The following ABLIM1 variants were observed in gnomAD, a reference collection of about 807,000 sequenced individuals.
ABLIM1 encodes actin binding LIM protein 1, also known as actin-binding LIM protein 1.
Under a neutral mutation model 107.0 loss-of-function variants are expected in ABLIM1, and 40 were observed. The observed-to-expected ratio is 0.37, with a 90% confidence interval of 0.29 to 0.49. The LOEUF is 0.49. Ranked by LOEUF, ABLIM1 falls within the 20% of genes least tolerant of loss-of-function variation. ABLIM1 has a pLI of 0.97. For missense variants in ABLIM1, 857 were observed against 1,008.5 expected, an observed-to-expected ratio of 0.85 and a Z score of 2.04; for synonymous variants, 357 against 357.3, an observed-to-expected ratio of 1.00 and a Z score of 0.01.
chr10:114,634,880 T>C (rs1025600809), intron 1 of ABLIM1, among the ~76,000 whole-genome samples: 1 of 152,254 alleles, frequency 6.6e-6, no homozygotes, highest in Non-Finnish European at 1.5e-5. Flanking sequence ...TTTTGGAATG[T>C]GGGAGAGTAA....
intron 17 of ABLIM1, 88 bp from the exon 18 acceptor site, chr10:114,441,874 G>T (rs1271906585): frequency 1.7e-6 from 2 of 1,193,210 alleles, no homozygotes; most frequent in South Asian, 1.3e-5. Flanking sequence ...CTACCTCACA[G>T]GATAGAAATA....
At chr10:114,685,216 G>C (rs1045701470), upstream of ABLIM1, among the ~76,000 whole-genome samples, 15 of 152,144 alleles carry the variant, frequency 9.9e-5, no homozygotes, top group South Asian at 2.1e-4. Context: ...AAGTTATGAA[G>C]ACAGTTTAAA....
chr10:114,792,851 A>G, the ABLIM1 span, among the ~76,000 whole-genome samples: 1 of 152,180 alleles, frequency 6.6e-6, no homozygotes, highest in Non-Finnish European at 1.5e-5. Context: ...CCCAAATCTC[A>G]TGTTGAAATG....
chr10:114,688,156 T>C (rs960506853), upstream of ABLIM1, among the ~76,000 whole-genome samples: 8 of 152,214 alleles, frequency 5.3e-5, no homozygotes, highest in Admixed American at 1.3e-4. Context: ...GAAATGGTCC[T>C]TATAGCACAC....
Position 114,494,509 on chromosome 10 carries a change from T to C in ABLIM1, c.895-2631A>G, listed in dbSNP as rs554198204. Among the ~76,000 whole-genome samples, 34 of 152,266 alleles carry C rather than the reference T, an allele frequency of 2.2e-4. 2 individuals carry two copies. In the South Asian group the frequency reaches 6.8e-3, roughly 31 times the overall value. The stretch of plus-strand genomic sequence containing the variant: ...GAGATCATGCCACTGCACTCCAGCC[T>C]GGGTGACAGAGCAAGAGTCCATCTC... On this transcript the variant is annotated intron_variant, in intron 6 of 22. Transcript: ENST00000533213.
intron 1 of ABLIM1, among the ~76,000 whole-genome samples, chr10:114,648,926 G>A (rs986744686): frequency 1.1e-4 from 16 of 151,140 alleles, no homozygotes; most frequent in South Asian, 2.1e-4. Context: ...AGTTTCACCC[G>A]AGCTGAATCT....
chr10:114,739,631 G>T (rs538882852), intron 1 of ABLIM1, among the ~76,000 whole-genome samples: 1 of 151,924 alleles, frequency 6.6e-6, no homozygotes, highest in South Asian at 2.1e-4. Flanking sequence ...TATATGCATT[G>T]CTTTTATCAT....
At chr10:114,625,406 A>T (rs1461858641) in intron 1 of ABLIM1, among the ~76,000 whole-genome samples, 3 of 152,162 alleles carry the variant, frequency 2.0e-5, no homozygotes, top group Non-Finnish European at 4.4e-5. Context: ...GGGAAGACAG[A>T]CAGCATTAGA....
intron 1 of ABLIM1, among the ~76,000 whole-genome samples, chr10:114,623,689 C>T (rs571006350): frequency 6.6e-6 from 1 of 152,334 alleles, no homozygotes; most frequent in Non-Finnish European, 1.5e-5. Flanking sequence ...CCCAGACCTA[C>T]TGAATCAGAA....
intron 10 of ABLIM1, among the ~76,000 whole-genome samples, chr10:114,470,847 C>CTTTTTTTT (rs10692424): frequency 6.6e-6 from 1 of 151,450 alleles, no homozygotes; most frequent in African/African-American, 2.4e-5. Flanking sequence ...TCTGGTTTTT[C>CTTTTTTTT]TTTTTTTCTT....
At chr10:114,712,353 G>GAAAAAAAAAAA (rs10583793) in intron 1 of ABLIM1, among the ~76,000 whole-genome samples, 2 of 44,096 alleles carry the variant, frequency 4.5e-5, no homozygotes, top group Non-Finnish European at 4.0e-5. Context: ...ACTCCGTCTC[G>GAAAAAAAAAAA]AAAAAAAAAA....
Position 114,755,924 on chromosome 10 carries a change from T to G in ABLIM1, c.-213+12137A>C, listed in dbSNP as rs563207914. 4.2e-4 allele frequency among the ~76,000 whole-genome samples: 64 copies of G among 152,344 alleles called. No individual in the cohort carries two copies. The South Asian group carries it at 0.013, about 31-fold the overall frequency. ...CATGACTTTCAGGCTTTGTATCCTG[T>G]TTAGAAGGTCGAGACACTCTCAGTT... On this transcript the variant is annotated intron_variant, in intron 1 of 15. Transcript: ENST00000651092.
chr10:114,674,353 C>T (rs1018595037), intron 1 of ABLIM1, among the ~76,000 whole-genome samples: 1 of 151,416 alleles, frequency 6.6e-6, no homozygotes, highest in Non-Finnish European at 1.5e-5. Flanking sequence ...CACCTTTGGT[C>T]TCAATTCCTA....
In ABLIM1 at chr10:114,718,001, A is replaced by C. The variant is rs553078232; in HGVS notation, c.-213+50060T>G. On this transcript the variant is annotated intron_variant, in intron 1 of 15. Coordinates refer to the ABLIM1 transcript ENST00000651092. ...GAGAAAGAAAGAAAGAAAGGAAGGA[A>C]GGAAGGAAGGAAGGAAGGAAGGAAG... is the stretch of plus-strand genomic sequence containing the variant. 7.4e-3 allele frequency among the ~76,000 whole-genome samples: 940 copies of C among 127,832 alleles called. 10 individuals are homozygous for C. The highest frequency in any genetic ancestry group is 0.028 in the African/African-American group (908 of 32,854). 83.9% of individuals were successfully genotyped at this position (127,832 alleles called of 152,430 possible).
intron 2 of ABLIM1, among the ~76,000 whole-genome samples, chr10:114,583,466 CACATATATATATATATATAT>C (rs2073818837): frequency 1.4e-4 from 1 of 7,090 alleles, no homozygotes; most frequent in South Asian, 7.2e-3. Flanking sequence ...CACACACACA[CACATATATATATATATATAT>C]ATATATATAT....
At chr10:114,647,216 C>CCAGCTACACACTAGAA (rs2079049396) in intron 1 of ABLIM1, among the ~76,000 whole-genome samples, 3 of 145,556 alleles carry the variant, frequency 2.1e-5, no homozygotes, top group African/African-American at 8.4e-5. Context: ...CCAGACTGGT[C>CCAGCTACACACTAGAA]TTGAACTGCT....
At chr10:114,615,712 T>C in intron 1 of ABLIM1, 1 of 371,788 alleles carries the variant, frequency 2.7e-6, no homozygotes, top group Non-Finnish European at 5.7e-6. Flanking sequence ...AAAAATACCT[T>C]GGGTTCACCA....
At chr10:114,487,853 A>T (rs893783395) in intron 8 of ABLIM1, 105 bp downstream of exon 8, 12 of 1,407,666 alleles carry the variant, frequency 8.5e-6, no homozygotes, top group South Asian at 1.2e-5. Context: ...TAAGGGAAAA[A>T]GTCAGTAAAA....
At chr10:114,488,082 C>T (rs2058442798) in intron 7 of ABLIM1, 66 bp from the exon 8 acceptor site, 1 of 1,527,796 alleles carries the variant, frequency 6.5e-7, no homozygotes, top group Non-Finnish European at 9.1e-7. Context: ...TCTGAGACAG[C>T]ACTTCTGAGA....
Sources: allele counts gnomAD v4.1 joint callset (sites outside exome capture counted in the v4.1 genomes callset), GRCh38; gene constraint gnomAD v4.1.1; transcripts MANE v1.5; gene names NCBI Gene and HGNC (gene_info 2026-07-23, HGNC 2026-07-21).